The following PFKFB3 variants were observed in gnomAD, a reference collection of about 807,000 sequenced individuals.
PFKFB3 encodes the protein 6-phosphofructo-2-kinase/fructose-2,6-bisphosphatase 3.
PFKFB3 carries 33 observed loss-of-function variants against 68.0 expected under a neutral mutation model. The observed-to-expected ratio is 0.49, with a 90% CI of 0.37 to 0.65. The LOEUF is 0.65. Among genes scored for constraint, PFKFB3 ranks in the 30% least tolerant of loss-of-function variants. The pLI is 0.00. For synonymous variants in PFKFB3, 315 were observed against 288.2 expected, an observed-to-expected ratio of 1.09 and a Z score of -0.94; for missense variants, 586 against 712.2, an observed-to-expected ratio of 0.82 and a Z score of 2.02.
chr10:6,254,649 C>T (rs1449170291), downstream of PFKFB3: 1 of 269,704 alleles, frequency 3.7e-6, no homozygotes, highest in East Asian at 6.4e-5. Flanking sequence ...ATATTCAACA[C>T]TTTATTATAA....
At chr10:6,283,685 G>A in the PFKFB3 span, among the ~76,000 whole-genome samples, 2 of 152,206 alleles carry the variant, frequency 1.3e-5, no homozygotes, top group African/African-American at 2.4e-5. Context: ...ACAAAGTTAC[G>A]AGTTGTTTTT....
intron 1 of PFKFB3, among the ~76,000 whole-genome samples, chr10:6,183,644 A>ATATATG (rs1275635208): frequency 1.3e-5 from 2 of 148,548 alleles, no homozygotes; most frequent in African/African-American, 4.9e-5. Flanking sequence ...TATATAAATA[A>ATATATG]TATATAAATA....
At position 6,235,510 on chromosome 10, in the gene PFKFB3, A is replaced by G. The variant is rs1004195914; in HGVS notation, c.*2568A>G. On this transcript the variant is annotated 3_prime_UTR_variant, in exon 15 of 15. Transcript: ENST00000379775. ...TGTATATTTTGCAGTTGCCAGACCA[A>G]TAAAATACCTGGTTGAAATACATGG... The G allele has an allele frequency of 1.3e-5, 2 of 152,458 alleles. No homozygotes were observed. The highest frequency in any genetic ancestry group is 6.5e-5 in the Admixed American group (1 of 15,290). 9.4% of individuals were successfully genotyped at this position (152,458 alleles called of 1,614,324 possible). A position where few individuals can be genotyped will look rare whatever the true frequency, so the allele number is the denominator to read the frequency against.
At chr10:6,146,273 G>A (rs1841386142) in intron 1 of PFKFB3, 5 of 1,476,166 alleles carry the variant, frequency 3.4e-6, no homozygotes, top group Non-Finnish European at 3.6e-6. Context: ...TTGCCTGGAG[G>A]CTGTACCGGA....
chr10:6,281,991 C>A, the PFKFB3 span, among the ~76,000 whole-genome samples: 4 of 146,936 alleles, frequency 2.7e-5, no homozygotes, highest in African/African-American at 7.5e-5. Flanking sequence ...TGAGGTCTCA[C>A]TATGTTGCTC....
intron 1 of PFKFB3, among the ~76,000 whole-genome samples, chr10:6,210,364 G>GTTTTTTTTTTTTTTTTTTTT (rs1375867755): frequency 1.7e-5 from 1 of 58,636 alleles, no homozygotes; most frequent in Non-Finnish European, 4.4e-5. Context: ...TTGTTTTTTT[G>GTTTTTTTTTTTTTTTTTTTT]TTTTTTTTTT....
chr10:6,221,099 CTT>C (rs1844927014), intron 8 of PFKFB3, among the ~76,000 whole-genome samples: 2 of 151,834 alleles, frequency 1.3e-5, no homozygotes, highest in African/African-American at 2.4e-5. Flanking sequence ...GTGTGTGTGT[CTT>C]TGTGTTACTT....
At chr10:6,213,496 A>G in intron 1 of PFKFB3, 127 bp from the exon 2 acceptor site, 4 of 1,107,876 alleles carry the variant, frequency 3.6e-6, no homozygotes, top group Non-Finnish European at 5.2e-6. Flanking sequence ...CCGCCTGGGC[A>G]ACAGAGTGAG....
chr10:6,222,832 T>C, intron 10 of PFKFB3, 23 bp from the exon 11 acceptor site: 1 of 1,603,462 alleles, frequency 6.2e-7, no homozygotes, highest in Non-Finnish European at 8.5e-7. Flanking sequence ...TGAGCTCACG[T>C]GGGCCCGGCC....
At chr10:6,205,555 G>A (rs11257259) in intron 1 of PFKFB3, among the ~76,000 whole-genome samples, 24,148 of 151,796 alleles carry the variant, frequency 0.16, 1,966 homozygotes, top group East Asian at 0.18. Flanking sequence ...GCCATGCCCA[G>A]CTAATTTTCA....
chr10:6,188,874 C>A (rs181200472), intron 1 of PFKFB3, among the ~76,000 whole-genome samples: 19 of 145,172 alleles, frequency 1.3e-4, no homozygotes, highest in East Asian at 2.0e-4. Flanking sequence ...TCGCTCTGTC[C>A]CCCAGGCTGG....
At position 6,248,519 on chromosome 10, in the gene PFKFB3, C is replaced by T. The variant is rs898136759; in HGVS notation, c.1516-5659C>T. Among the ~76,000 whole-genome samples the T allele has an allele frequency of 8.7e-5, 13 of 150,230 alleles. No homozygotes were observed. In the Admixed American group the frequency reaches 8.7e-4, roughly 10 times the overall value. On this transcript the variant is annotated intron_variant, in intron 14 of 14. Coordinates refer to the PFKFB3 transcript ENST00000640683. ...TGGCACGTGTCTATAATCCCAGCTACTCGGGAGGCTGAGGCATGAGAATCA... is the reference window on the plus strand; with the variant it reads ...TGGCACGTGTCTATAATCCCAGCTATTCGGGAGGCTGAGGCATGAGAATCA...
the PFKFB3 span, among the ~76,000 whole-genome samples, chr10:6,269,128 T>C: frequency 2.0e-5 from 3 of 152,034 alleles, no homozygotes; most frequent in Admixed American, 2.0e-4. Flanking sequence ...ACAGTAGTTG[T>C]CAACATGGGC....
At chr10:6,286,213 G>A in the PFKFB3 span, among the ~76,000 whole-genome samples, 1 of 152,072 alleles carries the variant, frequency 6.6e-6, no homozygotes, top group Non-Finnish European at 1.5e-5. Flanking sequence ...TCCTGACCTT[G>A]TGATCTGCCC....
At chr10:6,195,503 T>G (rs897743124) in intron 1 of PFKFB3, among the ~76,000 whole-genome samples, 3 of 152,204 alleles carry the variant, frequency 2.0e-5, no homozygotes, top group Non-Finnish European at 4.4e-5. Context: ...AACCCTGACA[T>G]GCCTCCTAGG....
chr10:6,245,137 C>T (rs1329481299), intron 14 of PFKFB3, among the ~76,000 whole-genome samples: 1 of 152,164 alleles, frequency 6.6e-6, no homozygotes, highest in African/African-American at 2.4e-5. Flanking sequence ...TGCTCTGTTG[C>T]CCAGGCTGGA....
intron 1 of PFKFB3, among the ~76,000 whole-genome samples, chr10:6,147,522 G>A (rs1841431276): frequency 6.6e-6 from 1 of 152,170 alleles, no homozygotes; most frequent in Non-Finnish European, 1.5e-5. Context: ...GGGAGATTTG[G>A]GTAGGAGATA....
chr10:6,180,262 G>A (rs1435984675), intron 1 of PFKFB3, among the ~76,000 whole-genome samples: 1 of 152,162 alleles, frequency 6.6e-6, no homozygotes, highest in African/African-American at 2.4e-5. Flanking sequence ...AAGACAGCAT[G>A]AACCTCAGGT....
chr10:6,279,838 G>A, the PFKFB3 span, among the ~76,000 whole-genome samples: 6 of 152,328 alleles, frequency 3.9e-5, no homozygotes, highest in East Asian at 1.2e-3. Context: ...TATGCGGAAG[G>A]TGCTGGGCTA....
Sources: allele counts gnomAD v4.1 joint callset (sites outside exome capture counted in the v4.1 genomes callset), GRCh38; gene constraint gnomAD v4.1.1; transcripts MANE v1.5; gene names NCBI Gene and HGNC (gene_info 2026-07-23, HGNC 2026-07-21).